The following STK26 variants were observed in gnomAD, a reference collection of about 807,000 sequenced individuals.
STK26 encodes serine/threonine kinase 26.
In STK26, 14 loss-of-function variants were observed where a neutral mutation model predicts 34.7. That is an observed-to-expected ratio of 0.40 (90% CI 0.27 to 0.63). STK26 has a LOEUF of 0.63. Among genes scored for constraint, STK26 ranks in the 30% least tolerant of loss-of-function variants. The pLI, the probability that STK26 is intolerant of heterozygous loss-of-function variation, is 0.38. For synonymous variants in STK26, 100 were observed against 109.8 expected, an observed-to-expected ratio of 0.91 and a Z score of 0.56; for missense variants, 226 against 309.1, an observed-to-expected ratio of 0.73 and a Z score of 2.02.
intron 2 of STK26, among the ~76,000 whole-genome samples, chrX:132,034,811 G>T (rs986777561): frequency 1.8e-5 from 2 of 110,758 alleles, no homozygotes; most frequent in South Asian, 7.6e-4. Context: ...GCATGCATGG[G>T]AAGCACCTGG....
intron 3 of STK26, among the ~76,000 whole-genome samples, chrX:132,057,339 C>G (rs977578546): frequency 2.7e-5 from 3 of 111,808 alleles, no homozygotes; most frequent in Non-Finnish European, 3.8e-5. Flanking sequence ...CACTGGGGAC[C>G]ATGATGGCTT....
At chrX:132,039,702 G>A (rs754839402) in intron 2 of STK26, among the ~76,000 whole-genome samples, 1 of 111,924 alleles carries the variant, frequency 8.9e-6, no homozygotes. Flanking sequence ...CTGCTAAGAG[G>A]TAGTAAGGCT....
chrX:132,026,562 C>A (rs1409380430), intron 2 of STK26, among the ~76,000 whole-genome samples: 1 of 111,558 alleles, frequency 9.0e-6, no homozygotes, highest in Non-Finnish European at 1.9e-5. Context: ...TGATTCAAAC[C>A]CTGTTTTCTT....
chrX:132,044,189 T>C (rs145276344), intron 2 of STK26, among the ~76,000 whole-genome samples: 102 of 111,643 alleles, frequency 9.1e-4, no homozygotes, highest in African/African-American at 3.1e-3. Context: ...ACTGTGAGGA[T>C]AGCTGGCACT....
intron 2 of STK26, among the ~76,000 whole-genome samples, chrX:132,034,928 T>G (rs1384883681): frequency 1.8e-5 from 2 of 110,838 alleles, no homozygotes; most frequent in African/African-American, 6.6e-5. Flanking sequence ...TCTCAGCTGC[T>G]CCGCCAATTT....
chrX:132,028,370 G>T (rs1336267177), intron 2 of STK26, among the ~76,000 whole-genome samples: 1 of 111,783 alleles, frequency 8.9e-6, no homozygotes, highest in Non-Finnish European at 1.9e-5. Context: ...AAAGAAATTG[G>T]AATGTAGTGG....
chrX:132,054,304 CAT>C (rs1404342631), intron 2 of STK26, among the ~76,000 whole-genome samples: 1 of 112,309 alleles, frequency 8.9e-6, no homozygotes, highest in East Asian at 2.8e-4. Flanking sequence ...GCTACATTTG[CAT>C]TAATGTGTAA....
rs561602079 is a variant in STK26 at position 132,034,292 on chromosome X, C to CTTTTTTT, written c.42+10659_42+10665dup. ...TGAATGCCAGAATGAGACATTTATT[C>CTTTTTTT]TTTTTTTTTTTTTTTTTTTTTTTTT... On this transcript the variant is annotated intron_variant, in intron 2 of 11. Coordinates refer to ENST00000394334, the MANE Select transcript of STK26 (RefSeq NM_016542.4). 3.2e-3 allele frequency among the ~76,000 whole-genome samples: 131 copies of CTTTTTTT among 41,379 alleles called. 23 individuals carry two copies. Among genetic ancestry groups the CTTTTTTT allele is most frequent in the Admixed American group, 7.8e-3 (15 of 1,912 alleles). 35.9% of individuals were successfully genotyped at this position (41,379 alleles called of 115,157 possible).
intron 2 of STK26, among the ~76,000 whole-genome samples, chrX:132,051,629 G>A (rs906037180): frequency 1.8e-5 from 2 of 110,996 alleles, no homozygotes; most frequent in Admixed American, 1.9e-4. Flanking sequence ...TTAAGTTCTG[G>A]GGTACACGTG....
chrX:132,072,421 T>A, intron 9 of STK26, 60 bp downstream of exon 9: 4 of 976,086 alleles, frequency 4.1e-6, no homozygotes, highest in African/African-American at 1.9e-5. Context: ...TGTAGTGAGA[T>A]GATAATGGCC....
intron 3 of STK26, chrX:132,055,598 T>C: frequency 1.2e-6 from 1 of 847,157 alleles, no homozygotes; most frequent in Non-Finnish European, 1.7e-6. Context: ...GAATAATAAA[T>C]AGTTGAAGAA....
chrX:132,057,938 G>A (rs1926912623), intron 3 of STK26, among the ~76,000 whole-genome samples: 1 of 111,882 alleles, frequency 8.9e-6, no homozygotes, highest in Non-Finnish European at 1.9e-5. Flanking sequence ...AAATTAGTAA[G>A]TAGTCACTTC....
intron 2 of STK26, among the ~76,000 whole-genome samples, chrX:132,043,136 A>G (rs1489772714): frequency 8.9e-6 from 1 of 112,121 alleles, no homozygotes; most frequent in Non-Finnish European, 1.9e-5. Flanking sequence ...TCTAGAAGAA[A>G]GATAGGCAGT....
chrX:132,036,477 C>A (rs889162013), intron 2 of STK26, among the ~76,000 whole-genome samples: 1 of 111,399 alleles, frequency 9.0e-6, no homozygotes, highest in Non-Finnish European at 1.9e-5. Context: ...CGCCTATAAT[C>A]CCAGCTGCTC....
chrX:132,035,832 TACACAC>T (rs61494612), intron 2 of STK26, among the ~76,000 whole-genome samples: 4,409 of 78,136 alleles, frequency 0.056, 128 homozygotes, highest in Non-Finnish European at 0.079. Flanking sequence ...TCTGGCTGCA[TACACAC>T]ACACACACAC....
intron 3 of STK26, among the ~76,000 whole-genome samples, chrX:132,057,439 T>G: frequency 9.0e-6 from 1 of 111,541 alleles, no homozygotes; most frequent in Middle Eastern, 4.6e-3. Flanking sequence ...TCCTCAGTGA[T>G]CCTTCCTGTG....
chrX:132,025,892 C>T (rs942235679), intron 2 of STK26, among the ~76,000 whole-genome samples: 23 of 110,848 alleles, frequency 2.1e-4, no homozygotes, highest in Non-Finnish European at 3.8e-4. Flanking sequence ...AGAAATCTAT[C>T]GTGAGCTTGT....
intron 2 of STK26, among the ~76,000 whole-genome samples, chrX:132,028,356 T>C (rs928573492): frequency 1.9e-4 from 21 of 111,800 alleles, no homozygotes; most frequent in African/African-American, 6.8e-4. Context: ...TTATGATACA[T>C]CTGAAAGAAA....
intron 2 of STK26, among the ~76,000 whole-genome samples, chrX:132,026,126 T>G (rs1935095077): frequency 8.9e-6 from 1 of 112,135 alleles, no homozygotes; most frequent in Non-Finnish European, 1.9e-5. Context: ...TTATCCACAA[T>G]TATTTTCTCC....
Sources: allele counts gnomAD v4.1 joint callset (sites outside exome capture counted in the v4.1 genomes callset), GRCh38; gene constraint gnomAD v4.1.1; transcripts MANE v1.5; gene names NCBI Gene and HGNC (gene_info 2026-07-23, HGNC 2026-07-21).